Variants in JRK observed in about 807,000 individuals in gnomAD.
JRK encodes jerky protein homolog.
For missense variants in JRK, 720 were observed against 509.2 expected, an observed-to-expected ratio of 1.41 and a Z score of -3.98; for synonymous variants, 303 against 218.1, an observed-to-expected ratio of 1.39 and a Z score of -3.43.
Position 142,662,411 on chromosome 8 carries a change from C to G in JRK, c.*1941G>C. On this transcript the variant is annotated 3_prime_UTR_variant, in exon 2 of 2. Transcript: ENST00000612905. ...CCTCAAGCAGCTGCAATCCAGCAGT[C>G]TTGGTTAAGAGGCTCTATTAGGAGT... 1.0e-6 allele frequency: 1 copy of G among 985,396 alleles called. No homozygotes were observed. Among genetic ancestry groups the G allele is most frequent in the Non-Finnish European group, 1.2e-6 (1 of 829,956 alleles). The allele number at this position is 985,396 out of a possible 1,614,324, so 61.0% of individuals were successfully genotyped here.
chr8:142,650,421 C>G, the JRK span, among the ~76,000 whole-genome samples: 771 of 152,304 alleles, frequency 5.1e-3, 3 homozygotes, highest in Non-Finnish European at 8.1e-3. Context: ...TGGTTTGGCT[C>G]TGTGTCCTAC....
Position 142,659,205 on chromosome 8 carries a change from A to C in JRK, c.*5147T>G, listed in dbSNP as rs1846838210. On this transcript the variant is annotated 3_prime_UTR_variant, in exon 2 of 2. Coordinates refer to ENST00000612905, the MANE Select transcript of JRK (RefSeq NM_003724.4). Reference sequence around the variant, plus strand: ...CAGAGGACAGGCCTTCCTTTCACACACATCAGAAATAGGGAACCCAAGACC... The same window carrying C: ...CAGAGGACAGGCCTTCCTTTCACACCCATCAGAAATAGGGAACCCAAGACC... 1 of 1,201,302 alleles carries C rather than the reference A, an allele frequency of 8.3e-7. No homozygotes were observed. Among genetic ancestry groups the C allele is most frequent in the Non-Finnish European group, 1.0e-6 (1 of 960,966 alleles). 74.4% of individuals were successfully genotyped at this position (1,201,302 alleles called of 1,614,324 possible).
At position 142,666,126 on chromosome 8, in the gene JRK, C is replaced by T. The variant is rs1847122361; in HGVS notation, c.-68G>A. ...GGCCTGGGCTGCTGCCACTACTTCC[C>T]TCTCCTCCTGCTCCCCTTCTGGGGC... On this transcript the variant is annotated 5_prime_UTR_variant, in exon 2 of 2. Transcript: ENST00000612905. The T allele has an allele frequency of 6.4e-7, 1 of 1,551,474 alleles. No individual in the cohort carries two copies. Among genetic ancestry groups the T allele is most frequent in the Non-Finnish European group, 8.7e-7 (1 of 1,147,850 alleles).
chr8:142,659,188 A>C lies in JRK; in HGVS notation c.*5164T>G, dbSNP rs1846837274. 1.6e-6 allele frequency: 2 copies of C among 1,242,724 alleles called. No homozygotes were observed. The highest frequency in any genetic ancestry group is 2.2e-5 in the South Asian group (1 of 46,470). The allele number at this position is 1,242,724 out of a possible 1,614,324, so 77.0% of individuals were successfully genotyped here. A position where few individuals can be genotyped will look rare whatever the true frequency, so the allele number is the denominator to read the frequency against. ...GAGCCTCATGGTCACCCCAGAGGAC[A>C]GGCCTTCCTTTCACACACATCAGAA... On this transcript the variant is annotated 3_prime_UTR_variant, in exon 2 of 2. Coordinates refer to ENST00000612905, the MANE Select transcript of JRK (RefSeq NM_003724.4).
downstream of JRK, among the ~76,000 whole-genome samples, chr8:142,654,880 A>G (rs1554633483): frequency 6.7e-6 from 1 of 148,816 alleles, no homozygotes; most frequent in Admixed American, 6.8e-5. Flanking sequence ...AGGCCTCCCA[A>G]CTAAGTGCCT....
At chr8:142,649,331 G>A in the JRK span, among the ~76,000 whole-genome samples, 2 of 152,210 alleles carry the variant, frequency 1.3e-5, no homozygotes, top group African/African-American at 2.4e-5. Flanking sequence ...AACTCATCGT[G>A]AATTCCCACG....
downstream of JRK, among the ~76,000 whole-genome samples, chr8:142,652,834 G>A (rs1388776474): frequency 1.3e-5 from 2 of 152,216 alleles, no homozygotes; most frequent in African/African-American, 4.8e-5. Flanking sequence ...ATGCTGCACG[G>A]TTATGCCACA....
At position 142,658,986 on chromosome 8, in the gene JRK, T is replaced by TAG. The variant is rs781816385; in HGVS notation, c.*5365_*5366insCT. On this transcript the variant is annotated 3_prime_UTR_variant, in exon 2 of 2. Transcript: ENST00000612905. ...TTGCTGCTTCATGGAGGAGCGTCAG[T>TAG]ATGTCCACACCATAGGGGTGTAGTC... 5.1e-5 allele frequency: 82 copies of TAG among 1,597,646 alleles called. No individual in the cohort carries two copies. The highest frequency in any genetic ancestry group is 6.7e-5 in the Non-Finnish European group (79 of 1,171,786).
At position 142,664,839 on chromosome 8, in the gene JRK, G is replaced by C; in HGVS notation, c.1220C>G (p.Pro407Arg). The C allele has an allele frequency of 6.3e-7, 1 of 1,580,228 alleles. No individual in the cohort carries two copies. Among genetic ancestry groups the C allele is most frequent in the Non-Finnish European group, 8.7e-7 (1 of 1,153,778 alleles). The change falls in exon 2 of 2, where the codon CCA becomes CGA. Residue 407 changes from proline (P) to arginine (R), a missense_variant. Transcript: ENST00000612905. ...AAAGGACTTGTTGTGGGGCTTCACT[G>C]GGAAGCACTCTGCCTCCAACTCCTC... ...SEEELEAECFPVKPHNKSFAH... is the reference protein window; with the variant it reads ...SEEELEAECFRVKPHNKSFAH...
In JRK at chr8:142,663,128, G is replaced by A. The variant is rs1051870622; in HGVS notation, c.*1224C>T. 5 of 975,222 alleles carry A rather than the reference G, an allele frequency of 5.1e-6. No individual in the cohort carries two copies. Among genetic ancestry groups the A allele is most frequent in the African/African-American group, 1.8e-5 (1 of 56,826 alleles). 60.4% of individuals were successfully genotyped at this position (975,222 alleles called of 1,614,324 possible). A position where few individuals can be genotyped will look rare whatever the true frequency, so the allele number is the denominator to read the frequency against. On this transcript the variant is annotated 3_prime_UTR_variant, in exon 2 of 2. Transcript: ENST00000612905. ...GGATCACACCACTTCACTCCAGCCT[G>A]GTCAACAGAGTGAGACCCTGCCTCA... is the stretch of plus-strand genomic sequence containing the variant.
Position 142,664,627 on chromosome 8 carries a change from C to A in JRK, c.1432G>T (p.Asp478Tyr), listed in dbSNP as rs1554635225. Residue 478 changes from aspartate to tyrosine, a missense_variant, in exon 2 of 2, where the codon GAT becomes TAT. Transcript: ENST00000612905. ...TPKADQDGRG[D>Y]PGEGEEVAWE... ...GCCACCTCCTCGCCCTCACCAGGAT[C>A]TCCTCTGCCGTCCTGGTCAGCTTTC... 3.7e-6 allele frequency: 6 copies of A among 1,611,012 alleles called. No individual in the cohort carries two copies. In the South Asian group the frequency reaches 6.6e-5, roughly 18 times the overall value.
chr8:142,647,622 G>T, the JRK span, among the ~76,000 whole-genome samples: 75 of 152,276 alleles, frequency 4.9e-4, 1 homozygote, highest in Middle Eastern at 6.8e-3. Flanking sequence ...CCATGATTGT[G>T]AGGCCTCCCC....
In JRK at chr8:142,664,277, TCGGGGCACAGGACCA is replaced by T; in HGVS notation, c.*60_*74del. ...ACATGCCCTCCTGCCTCAGGTGGGG[TCGGGGCACAGGACCA>T]TGCCACTCCAGGGTGTGGGGAGAAA... On this transcript the variant is annotated 3_prime_UTR_variant, in exon 2 of 2. Coordinates refer to ENST00000612905, the MANE Select transcript of JRK (RefSeq NM_003724.4). 2.1e-6 allele frequency: 3 copies of T among 1,461,738 alleles called. No homozygotes were observed. In the East Asian group the frequency reaches 7.3e-5, roughly 36 times the overall value. The allele number at this position is 1,461,738 out of a possible 1,614,324, so 90.5% of individuals were successfully genotyped here.
Position 142,664,091 on chromosome 8 carries a change from AGGCTAGGGT to A in JRK, c.*252_*260del. 7.8e-7 allele frequency: 1 copy of A among 1,277,126 alleles called. No homozygotes were observed. The highest frequency in any genetic ancestry group is 9.9e-7 in the Non-Finnish European group (1 of 1,013,264). The allele number at this position is 1,277,126 out of a possible 1,614,324, so 79.1% of individuals were successfully genotyped here. On this transcript the variant is annotated 3_prime_UTR_variant, in exon 2 of 2. Coordinates refer to ENST00000612905, the MANE Select transcript of JRK (RefSeq NM_003724.4). The stretch of plus-strand genomic sequence containing the variant: ...CCAGGGTGCGGCTCTGGCTTGTTCT[AGGCTAGGGT>A]GGACCCTTCCAAAACATTTCCTCAC...
At chr8:142,650,569 G>A in the JRK span, among the ~76,000 whole-genome samples, 1 of 152,168 alleles carries the variant, frequency 6.6e-6, no homozygotes, top group Non-Finnish European at 1.5e-5. Flanking sequence ...AGATCTGATG[G>A]TTTTAAAGAT....
chr8:142,663,119 C>T lies in JRK; in HGVS notation c.*1233G>A, dbSNP rs934225270. The T allele has an allele frequency of 9.4e-5, 91 of 972,600 alleles. No individual in the cohort carries two copies. Among genetic ancestry groups the T allele is most frequent in the Non-Finnish European group, 1.1e-4 (86 of 818,328 alleles). The allele number at this position is 972,600 out of a possible 1,614,324, so 60.2% of individuals were successfully genotyped here. ...AGTGAGCTGGGATCACACCACTTCACTCCAGCCTGGTCAACAGAGTGAGAC... is the reference window on the plus strand; with the variant it reads ...AGTGAGCTGGGATCACACCACTTCATTCCAGCCTGGTCAACAGAGTGAGAC... On this transcript the variant is annotated 3_prime_UTR_variant, in exon 2 of 2. Transcript: ENST00000612905.
Position 142,664,672 on chromosome 8 carries a change from A to T in JRK, c.1387T>A (p.Trp463Arg), listed in dbSNP as rs1587525020. ...GCTTTCGGAGTCTTTTCTGAACTCC[A>T]CACAACCTCTGCTGGCGACGTGGCA... ...PAATSPAEVV[W>R]SSEKTPKADQ... The change falls in exon 2 of 2, where the codon TGG (tryptophan) becomes AGG (arginine). Residue 463 changes from tryptophan (W) to arginine (R), a missense_variant. Transcript: ENST00000612905. 6.2e-7 allele frequency: 1 copy of T among 1,611,454 alleles called. No homozygotes were observed. Among genetic ancestry groups the T allele is most frequent in the Non-Finnish European group, 8.5e-7 (1 of 1,179,232 alleles).
chr8:142,669,403 TG>T (rs1253915705), intron 1 of JRK, among the ~76,000 whole-genome samples: 4 of 151,780 alleles, frequency 2.6e-5, no homozygotes, highest in African/African-American at 9.7e-5. Flanking sequence ...CCCTCCACGC[TG>T]GGGGATCCTG....
At chr8:142,648,232 G>A in the JRK span, among the ~76,000 whole-genome samples, 2 of 152,234 alleles carry the variant, frequency 1.3e-5, no homozygotes, top group Non-Finnish European at 2.9e-5. Flanking sequence ...GCCATTTTCT[G>A]AGGAGAAATT....
Sources: allele counts gnomAD v4.1 joint callset (sites outside exome capture counted in the v4.1 genomes callset), GRCh38; gene constraint gnomAD v4.1.1; transcripts MANE v1.5; gene names NCBI Gene and HGNC (gene_info 2026-07-23, HGNC 2026-07-21).